The following RALGPS1 variants were observed in gnomAD, a reference collection of about 807,000 sequenced individuals.
RALGPS1 encodes the protein Ral GEF with PH domain and SH3 binding motif 1.
A neutral mutation model predicts 78.8 loss-of-function variants in RALGPS1; 19 were observed. The observed-to-expected ratio is 0.24, with a 90% CI of 0.17 to 0.35. RALGPS1 has a LOEUF of 0.35. RALGPS1 is among the 10% of genes least tolerant of loss of function. RALGPS1 has a pLI of 1.00. For synonymous variants in RALGPS1, 228 were observed against 256.3 expected, an observed-to-expected ratio of 0.89 and a Z score of 1.06; for missense variants, 454 against 688.3, an observed-to-expected ratio of 0.66 and a Z score of 3.81.
Position 126,965,865 on chromosome 9 carries a change from C to T in RALGPS1, c.79C>T (p.Leu27=). ...ACAGGGCAGCAGCAGCTCGGACTCT[C>T]TGGAGGGCCAGAGCTGCGACTATGC... is the stretch of plus-strand genomic sequence containing the variant. ...TPQGSSSSDS[L]EGQSCDYASK... Residue 27 remains leucine, a synonymous_variant, in exon 3 of 19, where the codon CTG becomes TTG. Transcript: ENST00000259351. 1 of 1,614,082 alleles carries T rather than the reference C, an allele frequency of 6.2e-7. No homozygotes were observed. The highest frequency in any genetic ancestry group is 8.5e-7 in the Non-Finnish European group (1 of 1,179,966).
intron 5 of RALGPS1, among the ~76,000 whole-genome samples, chr9:127,047,943 C>G (rs1240279915): frequency 6.6e-6 from 1 of 152,134 alleles, no homozygotes; most frequent in Non-Finnish European, 1.5e-5. Context: ...TTTGTAATGT[C>G]TTCCTTATCT....
intron 1 of RALGPS1, among the ~76,000 whole-genome samples, chr9:126,945,795 A>G (rs1449271044): frequency 6.6e-6 from 1 of 152,204 alleles, no homozygotes; most frequent in African/African-American, 2.4e-5. Context: ...TTCTTTCTGC[A>G]GTTCCTGCTT....
chr9:127,218,654 A>G lies in RALGPS1; in HGVS notation c.1645-86A>G. On this transcript the variant is annotated intron_variant, in intron 18 of 18. Transcript: ENST00000259351. This position sits in a 1 kb window ranked among gnomAD's most constrained non-coding sequence, Gnocchi z 4.4. ...TGCTCATTCCCAGACTCACGGGGAAAGGCCTGTCCCTTCCCCTAGGGACCA... is the reference window on the plus strand; with the variant it reads ...TGCTCATTCCCAGACTCACGGGGAAGGGCCTGTCCCTTCCCCTAGGGACCA... 1 of 1,386,992 alleles carries G rather than the reference A, an allele frequency of 7.2e-7. No homozygotes were observed. The highest frequency in any genetic ancestry group is 1.0e-6 in the Non-Finnish European group (1 of 973,188). The allele number at this position is 1,386,992 out of a possible 1,614,324, so 85.9% of individuals were successfully genotyped here. A position where few individuals can be genotyped will look rare whatever the true frequency, so the allele number is the denominator to read the frequency against.
intron 4 of RALGPS1, among the ~76,000 whole-genome samples, chr9:126,979,022 C>G (rs918459086): frequency 6.6e-6 from 1 of 152,154 alleles, no homozygotes; most frequent in East Asian, 1.9e-4. Context: ...AAAAGTGCTG[C>G]AACTAGGGTG....
intron 3 of RALGPS1, among the ~76,000 whole-genome samples, chr9:126,976,830 G>T (rs988773762): frequency 6.6e-6 from 1 of 152,204 alleles, no homozygotes; most frequent in Non-Finnish European, 1.5e-5. Flanking sequence ...ATGGAGGTAG[G>T]TGGATCACGT....
chr9:126,946,379 C>A (rs1269563638), intron 1 of RALGPS1, among the ~76,000 whole-genome samples: 1 of 151,924 alleles, frequency 6.6e-6, no homozygotes, highest in Non-Finnish European at 1.5e-5. Context: ...ACTAAAAATA[C>A]AAAAATTACC....
intron 11 of RALGPS1, among the ~76,000 whole-genome samples, chr9:127,178,835 T>C (rs1033424347): frequency 1.3e-5 from 2 of 152,234 alleles, no homozygotes; most frequent in African/African-American, 4.8e-5. Flanking sequence ...TGGCCCTGGC[T>C]CCTTCCTGCA....
chr9:126,978,636 C>T (rs2040921412), intron 4 of RALGPS1, among the ~76,000 whole-genome samples: 1 of 151,270 alleles, frequency 6.6e-6, no homozygotes, highest in Admixed American at 6.6e-5. Flanking sequence ...GCTGAATAGG[C>T]TGAAGAGGAA....
chr9:126,920,693 C>T (rs2034662865), intron 1 of RALGPS1, among the ~76,000 whole-genome samples: 1 of 152,228 alleles, frequency 6.6e-6, no homozygotes, highest in East Asian at 1.9e-4. Context: ...CATTCATTAA[C>T]CTGCCTTGCT....
intron 8 of RALGPS1, among the ~76,000 whole-genome samples, chr9:127,118,662 C>T (rs975859258): frequency 1.3e-5 from 2 of 152,196 alleles, no homozygotes; most frequent in Non-Finnish European, 2.9e-5. Context: ...GCTCCTTGTG[C>T]CACCTCTTTA....
At chr9:127,042,363 T>G (rs1273254680) in intron 5 of RALGPS1, among the ~76,000 whole-genome samples, 1 of 152,132 alleles carries the variant, frequency 6.6e-6, no homozygotes, top group Admixed American at 6.6e-5. Flanking sequence ...CCTTCAGCAA[T>G]TGGAAATCAA....
At chr9:127,103,801 A>C (rs965447653) in intron 8 of RALGPS1, among the ~76,000 whole-genome samples, 3 of 152,214 alleles carry the variant, frequency 2.0e-5, no homozygotes, top group African/African-American at 4.8e-5. Context: ...GGAAGTAGAG[A>C]TAGAAGGTCA....
intron 4 of RALGPS1, among the ~76,000 whole-genome samples, chr9:126,998,861 C>G (rs1263603145): frequency 6.6e-6 from 1 of 151,562 alleles, no homozygotes; most frequent in African/African-American, 2.4e-5. Flanking sequence ...AGTTCATGTC[C>G]TTTGTAGGGA....
intron 9 of RALGPS1, 35 bp from the exon 10 acceptor site, chr9:127,168,644 G>C: frequency 6.8e-7 from 1 of 1,464,362 alleles, no homozygotes; most frequent in Non-Finnish European, 9.6e-7. Flanking sequence ...AGATGGGAGA[G>C]CCTAAAGTTT....
chr9:126,964,535 A>T (rs1372602315), intron 2 of RALGPS1, among the ~76,000 whole-genome samples: 2 of 150,972 alleles, frequency 1.3e-5, no homozygotes, highest in Non-Finnish European at 3.0e-5. Context: ...ACAGATGATA[A>T]CTGAGACTCA....
At chr9:126,990,878 G>C (rs2042224678) in intron 4 of RALGPS1, among the ~76,000 whole-genome samples, 1 of 152,168 alleles carries the variant, frequency 6.6e-6, no homozygotes, top group Admixed American at 6.5e-5. Context: ...GATGTTGTTT[G>C]TTTTTTGTCG....
At chr9:127,189,812 AG>A (rs1455637764) in intron 11 of RALGPS1, among the ~76,000 whole-genome samples, 1 of 152,174 alleles carries the variant, frequency 6.6e-6, no homozygotes, top group African/African-American at 2.4e-5. Flanking sequence ...GAGGGGCCAG[AG>A]CGGGCCAGGG....
intron 4 of RALGPS1, among the ~76,000 whole-genome samples, chr9:127,028,403 C>T (rs1218105655): frequency 6.6e-6 from 1 of 152,254 alleles, no homozygotes; most frequent in African/African-American, 2.4e-5. Flanking sequence ...GAGGTCAGAG[C>T]AGTCATATCC....
At chr9:127,170,042 C>A (rs1001462567) in intron 10 of RALGPS1, among the ~76,000 whole-genome samples, 2 of 152,188 alleles carry the variant, frequency 1.3e-5, no homozygotes, top group Non-Finnish European at 1.5e-5. Context: ...TGCCATGATT[C>A]CTTGGAATCT....
Sources: allele counts gnomAD v4.1 joint callset (sites outside exome capture counted in the v4.1 genomes callset), GRCh38; gene constraint gnomAD v4.1.1; non-coding constraint Gnocchi (gnomAD v3.1); transcripts MANE v1.5; gene names NCBI Gene and HGNC (gene_info 2026-07-23, HGNC 2026-07-21).